DCDC2: variants seen among roughly 807,000 people sequenced by gnomAD.
The protein encoded by DCDC2 is doublecortin domain containing 2, also known as doublecortin domain-containing protein 2.
DCDC2 carries 40 observed loss-of-function variants against 50.2 expected under a neutral mutation model. The ratio of observed to expected loss-of-function variants is 0.80; its 90% CI spans 0.62 to 1.04. The LOEUF (loss-of-function observed/expected upper bound fraction) is 1.04. DCDC2 is among the 50% of genes least tolerant of loss of function. DCDC2 has a pLI of 0.00. For missense variants in DCDC2, 570 were observed against 581.9 expected (o/e 0.98, Z 0.21); for synonymous variants, 234 against 210.6 (o/e 1.11, Z -0.96).
At chr6:24,218,120 T>G (rs1392983890) in intron 7 of DCDC2, among the ~76,000 whole-genome samples, 1 of 152,210 alleles carries the variant, frequency 6.6e-6, no homozygotes, top group Non-Finnish European at 1.5e-5. Flanking sequence ...ACAACTTTTG[T>G]ACTCAGATAC....
At chr6:24,198,612 T>G (rs1459689731) in intron 8 of DCDC2, among the ~76,000 whole-genome samples, 14 of 151,922 alleles carry the variant, frequency 9.2e-5, no homozygotes, top group Admixed American at 9.2e-4. Flanking sequence ...GCTACAGTTT[T>G]TTTTTTTTCA....
At chr6:24,210,460 T>G (rs1341664033) in intron 7 of DCDC2, among the ~76,000 whole-genome samples, 1 of 152,202 alleles carries the variant, frequency 6.6e-6, no homozygotes, top group African/African-American at 2.4e-5. Flanking sequence ...GCACCACTTC[T>G]CAATCCCAAA....
In DCDC2 at chr6:24,331,562, A is replaced by G. The variant is rs569026869; in HGVS notation, c.348+22007T>C. Among the ~76,000 whole-genome samples, 19 of 152,276 alleles carry G rather than the reference A, an allele frequency of 1.2e-4. No homozygotes were observed. In the East Asian group the frequency reaches 2.5e-3, roughly 20 times the overall value. On this transcript the variant is annotated intron_variant, in intron 2 of 9. Transcript: ENST00000378454. ...AAAGTTATTGAATAATTATATTTAGAATTAACCTTTATTATATCTAAATAG... is the reference window on the plus strand; with the variant it reads ...AAAGTTATTGAATAATTATATTTAGGATTAACCTTTATTATATCTAAATAG...
chr6:24,265,501 C>A (rs1763099658), intron 7 of DCDC2, among the ~76,000 whole-genome samples: 1 of 151,978 alleles, frequency 6.6e-6, no homozygotes, highest in Non-Finnish European at 1.5e-5. Flanking sequence ...AAGGATAGAT[C>A]ATATGTTAGA....
intron 7 of DCDC2, among the ~76,000 whole-genome samples, chr6:24,246,594 C>A (rs1000957070): frequency 7.4e-6 from 1 of 134,888 alleles, no homozygotes; most frequent in South Asian, 2.5e-4. Flanking sequence ...TCAAGCGATT[C>A]TCCTGCCTCA....
At position 24,327,470 on chromosome 6, in the gene DCDC2, T is replaced by TGA. The variant is rs1353259849; in HGVS notation, c.349-25427_349-25426insTC. 2.7e-4 allele frequency among the ~76,000 whole-genome samples: 38 copies of TGA among 140,060 alleles called. 3 individuals carry two copies. The highest frequency in any genetic ancestry group is 5.2e-4 in the Non-Finnish European group (34 of 65,266). The allele number at this position is 140,060 out of a possible 152,430, so 91.9% of individuals were successfully genotyped here. ...ATTATAAACTTATTTATTTATTTAT[T>TGA]TATTTATTTATTTATTGGCTGATAC... On this transcript the variant is annotated intron_variant, in intron 2 of 9. Transcript: ENST00000378454.
rs1467761365 is a variant in DCDC2 at position 24,178,561 on chromosome 6, G to C, written c.1095C>G (p.Asp365Glu). Residue 365 changes from aspartate (D) to glutamate (E), a missense_variant, in exon 9 of 10, where the codon GAC (aspartate) becomes GAG (glutamate). By Grantham distance (45) the Asp-to-Glu change is conservative (BLOSUM62 2). Coordinates refer to ENST00000378454, the MANE Select transcript of DCDC2 (RefSeq NM_016356.5). The part of the protein sequence containing the change: ...KANKDAEQKE[D>E]FSGMNGDLEE... The stretch of plus-strand genomic sequence containing the variant: ...CAAGGTCACCATTCATTCCTGAAAA[G>C]TCTTCTTTCTGTTCTGCATCCTTGT... 3 of 1,613,968 alleles carry C rather than the reference G, an allele frequency of 1.9e-6. No individual in the cohort carries two copies. Among genetic ancestry groups the C allele is most frequent in the Non-Finnish European group, 2.5e-6 (3 of 1,180,024 alleles).
intron 8 of DCDC2, among the ~76,000 whole-genome samples, chr6:24,188,471 G>A (rs1014516651): frequency 6.6e-6 from 1 of 152,098 alleles, no homozygotes; most frequent in African/African-American, 2.4e-5. Flanking sequence ...ACATCACCAT[G>A]CCACTGTTTA....
chr6:24,291,237 G>A (rs1477448353), intron 4 of DCDC2, among the ~76,000 whole-genome samples, 159 bp from the exon 5 acceptor site: 1 of 152,022 alleles, frequency 6.6e-6, no homozygotes, highest in Non-Finnish European at 1.5e-5. Context: ...CCTCATTATT[G>A]CATTATAGAT....
intron 2 of DCDC2, among the ~76,000 whole-genome samples, chr6:24,338,703 GGT>G (rs1337195230): frequency 6.6e-6 from 1 of 152,152 alleles, no homozygotes; most frequent in Admixed American, 6.5e-5. Context: ...AGAGTGCAAT[GGT>G]GTGATCCCAG....
At chr6:24,326,613 T>C (rs1759873001) in intron 2 of DCDC2, among the ~76,000 whole-genome samples, 1 of 148,948 alleles carries the variant, frequency 6.7e-6, no homozygotes, top group African/African-American at 2.4e-5. Context: ...ACCCAGCACT[T>C]TGGGAGGCCG....
In DCDC2 at chr6:24,173,479, T is replaced by C. The variant is rs986313338; in HGVS notation, c.*1251A>G. On this transcript the variant is annotated 3_prime_UTR_variant, in exon 10 of 10. Coordinates refer to ENST00000378454, the MANE Select transcript of DCDC2 (RefSeq NM_016356.5). ...GAAAAATATATTATTTCTATATTTATGGAAGAACATCTCTTAAGAATTCAT... is the reference window on the plus strand; with the variant it reads ...GAAAAATATATTATTTCTATATTTACGGAAGAACATCTCTTAAGAATTCAT... 22 of 152,168 alleles carry C rather than the reference T, an allele frequency of 1.4e-4. No homozygotes were observed. The highest frequency in any genetic ancestry group is 5.3e-4 in the African/African-American group (22 of 41,450). 9.4% of individuals were successfully genotyped at this position (152,168 alleles called of 1,614,324 possible).
intron 8 of DCDC2, among the ~76,000 whole-genome samples, chr6:24,200,107 C>T (rs1411081827): frequency 6.6e-6 from 1 of 152,158 alleles, no homozygotes; most frequent in African/African-American, 2.4e-5. Context: ...TCCAGCAGAA[C>T]CTCCCCAAAC....
At chr6:24,361,452 A>G (rs1760665419), upstream of DCDC2, among the ~76,000 whole-genome samples, 1 of 152,214 alleles carries the variant, frequency 6.6e-6, no homozygotes, top group African/African-American at 2.4e-5. Flanking sequence ...AAAGTTAACA[A>G]ATTTCAAAAG....
intron 2 of DCDC2, among the ~76,000 whole-genome samples, chr6:24,348,352 G>A (rs1051290569): frequency 9.2e-5 from 14 of 152,164 alleles, no homozygotes; most frequent in East Asian, 1.9e-4. Context: ...AAAGATCTCC[G>A]TAAAAGATGG....
At chr6:24,227,089 A>G (rs769339641) in intron 7 of DCDC2, among the ~76,000 whole-genome samples, 1 of 152,216 alleles carries the variant, frequency 6.6e-6, no homozygotes, top group African/African-American at 2.4e-5. Context: ...AAGAACAAAA[A>G]GATGGAAAAG....
intron 2 of DCDC2, among the ~76,000 whole-genome samples, chr6:24,306,346 G>C (rs148302451): frequency 6.6e-6 from 1 of 152,246 alleles, no homozygotes; most frequent in Non-Finnish European, 1.5e-5. Flanking sequence ...CTCTTGCCTT[G>C]ATTCTGCACT....
At chr6:24,197,166 C>T (rs1215731191) in intron 8 of DCDC2, among the ~76,000 whole-genome samples, 1 of 152,142 alleles carries the variant, frequency 6.6e-6, no homozygotes, top group Non-Finnish European at 1.5e-5. Flanking sequence ...CTCCTGCATA[C>T]CTGCATTTTG....
chr6:24,380,493 T>C, the DCDC2 span, among the ~76,000 whole-genome samples: 1 of 152,082 alleles, frequency 6.6e-6, no homozygotes, highest in Admixed American at 6.6e-5. Flanking sequence ...GGAAGGAGAT[T>C]TTACGAGAGA....
Sources: allele counts gnomAD v4.1 joint callset (sites outside exome capture counted in the v4.1 genomes callset), GRCh38; gene constraint gnomAD v4.1.1; transcripts MANE v1.5; gene names NCBI Gene and HGNC (gene_info 2026-07-23, HGNC 2026-07-21).